AK7: variants seen among roughly 807,000 people sequenced by gnomAD.
AK7 encodes the protein ATP-AMP transphosphorylase 7.
A neutral mutation model predicts 96.6 loss-of-function variants in AK7; 78 were observed. The observed-to-expected ratio is 0.81, with a 90% CI of 0.67 to 0.97. The LOEUF is 0.97. AK7 is among the 50% of genes least tolerant of loss of function. The pLI is 0.00. For synonymous variants in AK7, 302 were observed against 317.2 expected, an observed-to-expected ratio of 0.95 and a Z score of 0.51; for missense variants, 855 against 887.9, an observed-to-expected ratio of 0.96 and a Z score of 0.47.
intron 12 of AK7, among the ~76,000 whole-genome samples, chr14:96,458,793 C>A (rs1251297512): frequency 6.7e-6 from 1 of 150,266 alleles, no homozygotes; most frequent in Non-Finnish European, 1.5e-5. Context: ...TGCCTATAGT[C>A]CCAGCTATTT....
At chr14:96,412,448 G>A (rs565523564) in intron 4 of AK7, among the ~76,000 whole-genome samples, 30 of 150,196 alleles carry the variant, frequency 2.0e-4, no homozygotes, top group African/African-American at 7.1e-4. Context: ...GGCTGGTCTC[G>A]AACTCCTGAC....
At chr14:96,432,711 G>A (rs1454183304) in intron 5 of AK7, among the ~76,000 whole-genome samples, 8 of 151,912 alleles carry the variant, frequency 5.3e-5, no homozygotes, top group African/African-American at 1.5e-4. Flanking sequence ...GAGGCCAGGC[G>A]CGGTGGCTCA....
chr14:96,405,645 A>G (rs1890669539), intron 3 of AK7, among the ~76,000 whole-genome samples: 1 of 152,172 alleles, frequency 6.6e-6, no homozygotes, highest in African/African-American at 2.4e-5. Context: ...ACTTTAACTC[A>G]ACAAAGGGGG....
At chr14:96,458,609 C>T (rs1051933430) in intron 12 of AK7, among the ~76,000 whole-genome samples, 2 of 151,658 alleles carry the variant, frequency 1.3e-5, no homozygotes, top group Non-Finnish European at 2.9e-5. Context: ...AGATGTGGTG[C>T]CGCACACCTG....
intron 10 of AK7, among the ~76,000 whole-genome samples, chr14:96,452,835 G>A (rs919083813): frequency 1.3e-5 from 2 of 152,088 alleles, no homozygotes; most frequent in Non-Finnish European, 2.9e-5. Context: ...TAGGTAGGAC[G>A]CAGACTTAAC....
rs771093618 is a variant in AK7 at position 96,404,805 on chromosome 14, A to T, written c.343A>T (p.Ile115Phe). 1.2e-6 allele frequency: 2 copies of T among 1,610,584 alleles called. No homozygotes were observed. The highest frequency in any genetic ancestry group is 2.2e-5 in the East Asian group (1 of 44,812). The change falls in exon 3 of 18, where the codon ATT becomes TTT. Residue 115 changes from isoleucine (I) to phenylalanine (F), a missense_variant. Coordinates refer to ENST00000267584, the MANE Select transcript of AK7 (RefSeq NM_152327.5). ...LLMRLLECDV[I>F]IYNITESSQQ... Reference sequence around the variant, plus strand: ...CATGCGCCTGCTGGAGTGTGATGTTATTATTTATAACATCACTGAGAGCTC... The same window carrying T: ...CATGCGCCTGCTGGAGTGTGATGTTTTTATTTATAACATCACTGAGAGCTC...
intron 7 of AK7, among the ~76,000 whole-genome samples, chr14:96,443,847 C>A (rs1217211332): frequency 6.7e-6 from 1 of 149,176 alleles, no homozygotes; most frequent in Non-Finnish European, 1.5e-5. Flanking sequence ...AATCTCGGTT[C>A]ACCGCAAGCT....
chr14:96,438,153 G>A (rs1420461249), intron 6 of AK7, among the ~76,000 whole-genome samples: 1 of 152,178 alleles, frequency 6.6e-6, no homozygotes, highest in African/African-American at 2.4e-5. Context: ...AACAGATATT[G>A]ATGTAGTGCC....
intron 6 of AK7, among the ~76,000 whole-genome samples, chr14:96,438,984 A>T (rs890358396): frequency 2.6e-5 from 4 of 152,234 alleles, no homozygotes; most frequent in Non-Finnish European, 5.9e-5. Context: ...AGCAACTAGA[A>T]GTATGGCACT....
At chr14:96,435,377 T>C (rs1461865652) in intron 5 of AK7, among the ~76,000 whole-genome samples, 1 of 152,082 alleles carries the variant, frequency 6.6e-6, no homozygotes. Context: ...CCAGGGTGTA[T>C]CTAGAAATGT....
intron 3 of AK7, among the ~76,000 whole-genome samples, chr14:96,406,879 A>G (rs1016806488): frequency 3.9e-5 from 6 of 152,014 alleles, no homozygotes; most frequent in Admixed American, 2.6e-4. Context: ...AAGTCTAGCT[A>G]TGTTGCCCAG....
intron 15 of AK7, among the ~76,000 whole-genome samples, chr14:96,478,863 C>G (rs904834100): frequency 6.6e-6 from 1 of 150,660 alleles, no homozygotes; most frequent in East Asian, 1.9e-4. Flanking sequence ...GTGTTATTAT[C>G]GTATGAGAAT....
At chr14:96,414,725 C>T (rs1052003960) in intron 4 of AK7, among the ~76,000 whole-genome samples, 4 of 147,538 alleles carry the variant, frequency 2.7e-5, no homozygotes, top group South Asian at 2.2e-4. Flanking sequence ...GCCAAGAAGA[C>T]GGATGGAGGT....
At chr14:96,428,621 A>C (rs186885293) in intron 5 of AK7, among the ~76,000 whole-genome samples, 3,105 of 152,174 alleles carry the variant, frequency 0.02, 51 homozygotes, top group Non-Finnish European at 0.03. Context: ...CCTCTCCAGC[A>C]CCGTTGTTTC....
At chr14:96,394,509 C>T (rs777467872) in intron 1 of AK7, among the ~76,000 whole-genome samples, 13 of 152,054 alleles carry the variant, frequency 8.5e-5, no homozygotes, top group Admixed American at 2.0e-4. Flanking sequence ...GCTCCTAAGC[C>T]GGGATGCACT....
intron 1 of AK7, among the ~76,000 whole-genome samples, chr14:96,393,431 C>T (rs982241661): frequency 7.9e-5 from 12 of 152,188 alleles, no homozygotes; most frequent in African/African-American, 4.8e-5. Context: ...TATTCTCTCG[C>T]AGTTCTTGAG....
intron 11 of AK7, among the ~76,000 whole-genome samples, chr14:96,457,503 T>C (rs1893998981): frequency 6.6e-6 from 1 of 152,192 alleles, no homozygotes; most frequent in Non-Finnish European, 1.5e-5. Context: ...TTGCCCCCAG[T>C]TATGAAAACA....
At chr14:96,439,038 G>A (rs565511747) in intron 6 of AK7, among the ~76,000 whole-genome samples, 1 of 152,232 alleles carries the variant, frequency 6.6e-6, no homozygotes, top group African/African-American at 2.4e-5. Flanking sequence ...AGCTGGTTGG[G>A]GTACAATGCA....
At chr14:96,408,146 C>A (rs1312807792) in intron 3 of AK7, among the ~76,000 whole-genome samples, 1 of 152,134 alleles carries the variant, frequency 6.6e-6, no homozygotes, top group East Asian at 1.9e-4. Context: ...GTGGGCACAC[C>A]CCGAATTACT....
Sources: gnomAD v4.1 joint callset for allele counts (sites outside exome capture counted in the v4.1 genomes callset) on GRCh38, gnomAD v4.1.1 for gene constraint, MANE v1.5 for transcripts, NCBI Gene and HGNC (gene_info 2026-07-23, HGNC 2026-07-21) for gene names.